AFTPH: variants seen among roughly 807,000 people sequenced by gnomAD.
The protein encoded by AFTPH is aftiphilin.
AFTPH carries 7 observed loss-of-function variants against 72.5 expected under a neutral mutation model. The ratio of observed to expected loss-of-function variants is 0.10; its 90% CI spans 0.05 to 0.18. AFTPH has a LOEUF of 0.18. Ranked by LOEUF, AFTPH falls within the 10% of genes least tolerant of loss-of-function variation. AFTPH has a pLI of 1.00. For missense variants in AFTPH, 979 were observed against 1,060.5 expected, an observed-to-expected ratio of 0.92 and a Z score of 1.07; for synonymous variants, 337 against 370.1, an observed-to-expected ratio of 0.91 and a Z score of 1.03.
intron 7 of AFTPH, chr2:64,581,250 C>G (rs867709578): frequency 6.3e-7 from 1 of 1,599,238 alleles, no homozygotes; most frequent in South Asian, 1.1e-5. Context: ...GACAGTAGCT[C>G]TAGCAGCAGC....
rs34951706 is a variant in AFTPH, at chr2:64,549,308, CTTTTTTTTTTTTTTTTT to C, written c.-32-2121_-32-2105del. Reference sequence around the variant, plus strand: ...CTAGGACTTTGGCTGTTAGTCCTCCCTTTTTTTTTTTTTTTTTTTTTTTTTTTTTTGAAACCGAGTCT... The same window carrying C: ...CTAGGACTTTGGCTGTTAGTCCTCCCTTTTTTTTTTTTTGAAACCGAGTCT... On this transcript the variant is annotated intron_variant, in intron 1 of 8. Transcript: ENST00000238856. Among the ~76,000 whole-genome samples the C allele has an allele frequency of 1.2e-3, 67 of 56,050 alleles. 1 individual carries two copies. The highest frequency in any genetic ancestry group is 2.4e-3 in the South Asian group (3 of 1,246). 36.8% of individuals were successfully genotyped at this position (56,050 alleles called of 152,430 possible).
At chr2:64,550,612 C>T (rs1301277461) in intron 1 of AFTPH, among the ~76,000 whole-genome samples, 1 of 149,760 alleles carries the variant, frequency 6.7e-6, no homozygotes, top group Non-Finnish European at 1.5e-5. Context: ...TAGAACAGTT[C>T]TTATCCTGAT....
In AFTPH at chr2:64,531,200, C is replaced by CT. The variant is rs200626591; in HGVS notation, c.-33+6590dup. On this transcript the variant is annotated intron_variant, in intron 1 of 8. Transcript: ENST00000238856. ...AGATTTTACCATCATAGAAGAGCAT[C>CT]TTGGTGAAAAAGTTTGTACATAATT... 6.7e-3 allele frequency among the ~76,000 whole-genome samples: 1,017 copies of CT among 151,970 alleles called. 12 individuals are homozygous for CT. The highest frequency in any genetic ancestry group is 0.024 in the African/African-American group (982 of 41,446).
At position 64,546,831 on chromosome 2, in the gene AFTPH, G is replaced by A. The variant is rs568756301; in HGVS notation, c.-32-4612G>A. ...GGGCAGATCACGAGGTCAGGAGATC[G>A]AGACCATCCTGGCTAACACAGTGAA... On this transcript the variant is annotated intron_variant, in intron 1 of 8. Coordinates refer to ENST00000238856, the Ensembl canonical transcript of AFTPH. Among the ~76,000 whole-genome samples, 18 of 149,678 alleles carry A rather than the reference G, an allele frequency of 1.2e-4. 1 individual carries two copies. In the South Asian group the frequency reaches 3.4e-3, roughly 28 times the overall value.
At position 64,529,528 on chromosome 2, in the gene AFTPH, T is replaced by C. The variant is rs186673672; in HGVS notation, c.-33+4916T>C. Among the ~76,000 whole-genome samples, 31 of 152,244 alleles carry C rather than the reference T, an allele frequency of 2.0e-4. No individual in the cohort carries two copies. In the South Asian group the frequency reaches 3.3e-3, roughly 16 times the overall value. On this transcript the variant is annotated intron_variant, in intron 1 of 8. Coordinates refer to ENST00000238856, the Ensembl canonical transcript of AFTPH. ...CCACAGTTTTGTATGTAATAGATGCTCAGTAAATAGTGGGTGTATACATAT... is the reference window on the plus strand; with the variant it reads ...CCACAGTTTTGTATGTAATAGATGCCCAGTAAATAGTGGGTGTATACATAT...
Position 64,592,029 on chromosome 2 carries a change from CG to C in AFTPH, c.2726del (p.Gly909AspfsTer3), listed in dbSNP as rs1558637278. On this transcript the variant is annotated frameshift_variant, in exon 9 of 9. Coordinates refer to ENST00000238856, the Ensembl canonical transcript of AFTPH. LOFTEE classifies it high-confidence loss of function. ...CCACAAGCTCTCAAGAAAAAGCAGACGGATAACTGATGTGAATTGGACAGTT... is the reference window on the plus strand; with the variant it reads ...CCACAAGCTCTCAAGAAAAAGCAGACGATAACTGATGTGAATTGGACAGTT... 6.2e-7 allele frequency: 1 copy of C among 1,611,890 alleles called. No individual in the cohort carries two copies. Among genetic ancestry groups the C allele is most frequent in the Admixed American group, 1.7e-5 (1 of 59,724 alleles).
chr2:64,566,753 T>C (rs1257908230), intron 2 of AFTPH, among the ~76,000 whole-genome samples: 1 of 150,728 alleles, frequency 6.6e-6, no homozygotes, highest in African/African-American at 2.5e-5. Flanking sequence ...ATCCAGCAAG[T>C]TTTAGTTAAT....
At chr2:64,549,104 T>C (rs578131690) in intron 1 of AFTPH, among the ~76,000 whole-genome samples, 1 of 152,314 alleles carries the variant, frequency 6.6e-6, no homozygotes, top group Non-Finnish European at 1.5e-5. Context: ...AATTAAACTA[T>C]GTGGTTTCTA....
chr2:64,549,116 G>A (rs759568333), intron 1 of AFTPH, among the ~76,000 whole-genome samples: 3 of 152,016 alleles, frequency 2.0e-5, no homozygotes, highest in African/African-American at 7.2e-5. Flanking sequence ...TGGTTTCTAC[G>A]GTACCTTCAC....
At chr2:64,550,848 AG>A (rs1671003429) in intron 1 of AFTPH, among the ~76,000 whole-genome samples, 1 of 152,200 alleles carries the variant, frequency 6.6e-6, no homozygotes, top group Non-Finnish European at 1.5e-5. Flanking sequence ...CATTGGGAGA[AG>A]CTAAGTGGAA....
intron 5 of AFTPH, among the ~76,000 whole-genome samples, chr2:64,572,652 A>G (rs1427240700): frequency 6.6e-6 from 1 of 152,176 alleles, no homozygotes; most frequent in Non-Finnish European, 1.5e-5. Context: ...TAAAGGTATT[A>G]TTGTGAAATG....
chr2:64,563,319 T>A (rs1671850166), intron 2 of AFTPH, among the ~76,000 whole-genome samples: 2 of 152,216 alleles, frequency 1.3e-5, no homozygotes, highest in African/African-American at 4.8e-5. Flanking sequence ...ATAATATATG[T>A]ACCCCCAAAA....
chr2:64,533,467 A>G (rs545746514), intron 1 of AFTPH, among the ~76,000 whole-genome samples: 1 of 152,232 alleles, frequency 6.6e-6, no homozygotes, highest in Non-Finnish European at 1.5e-5. Flanking sequence ...TAAATATTGA[A>G]AAGGCATTTA....
intron 1 of AFTPH, among the ~76,000 whole-genome samples, chr2:64,537,500 G>A (rs1401558590): frequency 6.6e-6 from 1 of 152,196 alleles, no homozygotes; most frequent in East Asian, 1.9e-4. Context: ...GCAATAGGGT[G>A]TGTGAGCCAA....
chr2:64,555,813 T>C (rs914561325), intron 2 of AFTPH, among the ~76,000 whole-genome samples: 2 of 152,204 alleles, frequency 1.3e-5, no homozygotes, highest in African/African-American at 4.8e-5. Context: ...ACTCTCGTTC[T>C]TACCCTGCTG....
intron 1 of AFTPH, among the ~76,000 whole-genome samples, chr2:64,531,483 C>G (rs901120095): frequency 6.6e-6 from 1 of 152,070 alleles, no homozygotes; most frequent in East Asian, 1.9e-4. Context: ...TGATTTAAAC[C>G]TGAGATATGC....
At position 64,579,558 on chromosome 2, in the gene AFTPH, C is replaced by T. The variant is rs758866615; in HGVS notation, c.2455+12C>T. 28 of 1,610,324 alleles carry T rather than the reference C, an allele frequency of 1.7e-5. No homozygotes were observed. Among genetic ancestry groups the T allele is most frequent in the East Asian group, 4.5e-5 (2 of 44,846 alleles). ...TAACCCTTTAGATGGTACGTCTCTC[C>T]GTAGAGCCTCTAGCACCAGAGCTAG... is the stretch of plus-strand genomic sequence containing the variant. On this transcript the variant is annotated intron_variant, in intron 7 of 8. Coordinates refer to ENST00000238856, the Ensembl canonical transcript of AFTPH.
At chr2:64,555,239 AC>A (rs1357619828) in intron 2 of AFTPH, among the ~76,000 whole-genome samples, 1 of 152,190 alleles carries the variant, frequency 6.6e-6, no homozygotes, top group African/African-American at 2.4e-5. Flanking sequence ...TAAAAATAAA[AC>A]AAACTATAGA....
intron 2 of AFTPH, among the ~76,000 whole-genome samples, chr2:64,558,402 C>A (rs1359123222): frequency 1.3e-5 from 2 of 152,164 alleles, no homozygotes; most frequent in Admixed American, 1.3e-4. Context: ...TTTCTGGTCA[C>A]AGAAACATCA....
Sources: gnomAD v4.1 joint callset for allele counts (sites outside exome capture counted in the v4.1 genomes callset) on GRCh38, gnomAD v4.1.1 for gene constraint, MANE v1.5 for transcripts, NCBI Gene and HGNC (gene_info 2026-07-23, HGNC 2026-07-21) for gene names.